The following FYN variants were observed in gnomAD, a reference collection of about 807,000 sequenced individuals.
FYN encodes the protein FYN proto-oncogene, Src family tyrosine kinase.
Under a neutral mutation model 70.2 loss-of-function variants are expected in FYN, and 10 were observed. That is an observed-to-expected ratio of 0.14 (90% CI 0.09 to 0.24). The LOEUF (loss-of-function observed/expected upper bound fraction) is 0.24, where lower values mean the gene tolerates loss of function less well. FYN is among the 10% of genes least tolerant of loss of function. The pLI is 1.00. For missense variants in FYN, 319 were observed against 673.1 expected, an observed-to-expected ratio of 0.47 and a Z score of 5.82; for synonymous variants, 236 against 248.6, an observed-to-expected ratio of 0.95 and a Z score of 0.48.
At chr6:111,747,361 G>A (rs1365579203) in intron 3 of FYN, among the ~76,000 whole-genome samples, 1 of 152,198 alleles carries the variant, frequency 6.6e-6, no homozygotes, top group Non-Finnish European at 1.5e-5. Flanking sequence ...GCAAGTCAAG[G>A]AAAGAAGGGA....
intron 13 of FYN, among the ~76,000 whole-genome samples, chr6:111,671,711 A>T (rs1005664526): frequency 2.0e-5 from 3 of 152,176 alleles, no homozygotes; most frequent in Non-Finnish European, 4.4e-5. Flanking sequence ...CTCAGCGCAC[A>T]CTGACTGACT....
chr6:111,830,358 A>C (rs1475771761), intron 2 of FYN, among the ~76,000 whole-genome samples: 2 of 152,228 alleles, frequency 1.3e-5, no homozygotes, highest in Non-Finnish European at 2.9e-5. Flanking sequence ...CAGCTCCCAC[A>C]GTGAATAAAT....
chr6:111,678,650 A>G (rs1287365176), intron 12 of FYN, among the ~76,000 whole-genome samples: 8 of 152,170 alleles, frequency 5.3e-5, no homozygotes. Context: ...GAAATTGGTT[A>G]TACAAGTCAG....
chr6:111,847,831 C>G (rs1773574628), intron 1 of FYN, among the ~76,000 whole-genome samples: 2 of 152,188 alleles, frequency 1.3e-5, no homozygotes, highest in African/African-American at 4.8e-5. Flanking sequence ...GCATTCAAAT[C>G]ATGAACTCAC....
Position 111,828,051 on chromosome 6 carries a change from AG to A in FYN, c.-82+18537del, listed in dbSNP as rs569280267. Among the ~76,000 whole-genome samples the A allele has an allele frequency of 5.9e-5, 9 of 152,314 alleles. No homozygotes were observed. The South Asian group carries it at 1.7e-3, about 28-fold the overall frequency. On this transcript the variant is annotated intron_variant, in intron 2 of 13. Transcript: ENST00000354650. ...TGACAGTGTTGTTCTAGAGTAGCGG[AG>A]GAACCCTGGTTACAGTTGACTGTGT...
intron 12 of FYN, among the ~76,000 whole-genome samples, chr6:111,675,818 T>A (rs1001890620): frequency 3.1e-4 from 46 of 149,092 alleles, no homozygotes; most frequent in African/African-American, 1.0e-3. Flanking sequence ...AAAATAAAAA[T>A]AAATAAATAA....
chr6:111,776,437 A>G (rs1424236638), intron 3 of FYN, among the ~76,000 whole-genome samples: 1 of 152,260 alleles, frequency 6.6e-6, no homozygotes, highest in Admixed American at 6.5e-5. Context: ...TCTTAAAAAC[A>G]GTAGACTGAT....
At chr6:111,780,217 T>A (rs1167115505) in intron 3 of FYN, among the ~76,000 whole-genome samples, 2 of 152,222 alleles carry the variant, frequency 1.3e-5, no homozygotes, top group Non-Finnish European at 2.9e-5. Context: ...CTCTCTGCTT[T>A]GGAGAATTTA....
At position 111,694,729 on chromosome 6, in the gene FYN, T is replaced by C; in HGVS notation, c.1043-25A>G. The C allele has an allele frequency of 6.4e-7, 1 of 1,573,702 alleles. No individual in the cohort carries two copies. Among genetic ancestry groups the C allele is most frequent in the Non-Finnish European group, 8.7e-7 (1 of 1,148,210 alleles). The stretch of plus-strand genomic sequence containing the variant: ...CCTATGAACAAAACATAAAATCATT[T>C]CAATTTACTTTGAAAGATAATTCCC... On this transcript the variant is annotated intron_variant, in intron 10 of 13. Coordinates refer to ENST00000354650, the MANE Select transcript of FYN (RefSeq NM_002037.5). The surrounding 1 kb of genome is among the most constrained non-coding windows in gnomAD (Gnocchi z 5.0).
At chr6:111,843,722 A>C (rs529827955) in intron 2 of FYN, among the ~76,000 whole-genome samples, 13 of 152,284 alleles carry the variant, frequency 8.5e-5, no homozygotes, top group African/African-American at 3.1e-4. Context: ...AGGGCCTACT[A>C]TGAGTTAGGC....
In FYN at chr6:111,838,317, C is replaced by T. The variant is rs545856541; in HGVS notation, c.-82+8272G>A. ...CTAAGCACCCTACCAACTTTCCCTT[C>T]CCATGGTACTGCTCCATCTCAGGGC... On this transcript the variant is annotated intron_variant, in intron 2 of 13. Transcript: ENST00000354650. Among the ~76,000 whole-genome samples, 3 of 152,344 alleles carry T rather than the reference C, an allele frequency of 2.0e-5. No homozygotes were observed. In the East Asian group the frequency reaches 5.8e-4, roughly 29 times the overall value.
Position 111,704,768 on chromosome 6 carries a change from C to CA in FYN, c.444-667dup, listed in dbSNP as rs574731232. Among the ~76,000 whole-genome samples, 103 of 149,946 alleles carry CA rather than the reference C, an allele frequency of 6.9e-4. No individual in the cohort carries two copies. The South Asian group carries it at 9.7e-3, about 14-fold the overall frequency. ...AGCCGTGTCTCAAAACAAAACAAAACAAAAAAAACAAACGCCAGGCATGGT... is the reference window on the plus strand; with the variant it reads ...AGCCGTGTCTCAAAACAAAACAAAACAAAAAAAAACAAACGCCAGGCATGGT... On this transcript the variant is annotated intron_variant, in intron 6 of 13. Coordinates refer to ENST00000354650, the MANE Select transcript of FYN (RefSeq NM_002037.5).
At position 111,738,369 on chromosome 6, in the gene FYN, C is replaced by A. The variant is rs543665278; in HGVS notation, c.-11-18307G>T. 1.1e-4 allele frequency among the ~76,000 whole-genome samples: 16 copies of A among 152,346 alleles called. 1 individual carries two copies. The highest frequency in any genetic ancestry group is 1.5e-5 in the Non-Finnish European group (1 of 68,032). On this transcript the variant is annotated intron_variant, in intron 3 of 13. Coordinates refer to ENST00000354650, the MANE Select transcript of FYN (RefSeq NM_002037.5). ...ACTGGTGATGTTACCTCCTCCCCTG[C>A]AGGGGTCTTGGACTGAAGGCTTACA...
chr6:111,869,770 A>G (rs550118961), intron 1 of FYN, among the ~76,000 whole-genome samples: 1 of 152,358 alleles, frequency 6.6e-6, no homozygotes, highest in East Asian at 1.9e-4. Flanking sequence ...AAGCCAAGAA[A>G]GGTGCTTTTG....
intron 2 of FYN, among the ~76,000 whole-genome samples, chr6:111,788,892 G>A (rs1161080647): frequency 6.6e-6 from 1 of 151,974 alleles, no homozygotes; most frequent in African/African-American, 2.4e-5. Flanking sequence ...AGGTGGGAGG[G>A]GTGCTCTGAG....
At chr6:111,749,026 G>C (rs1802369740) in intron 3 of FYN, among the ~76,000 whole-genome samples, 3 of 152,244 alleles carry the variant, frequency 2.0e-5, no homozygotes, top group Admixed American at 1.3e-4. Flanking sequence ...TAAAATGACT[G>C]AACAGAAACA....
chr6:111,751,810 GGTCTCACTAT>G (rs1430174936), intron 3 of FYN, among the ~76,000 whole-genome samples: 4 of 151,938 alleles, frequency 2.6e-5, no homozygotes, highest in Non-Finnish European at 5.9e-5. Context: ...GTAGAAACAA[GGTCTCACTAT>G]GTTGCCCAGG....
At chr6:111,746,774 A>G (rs761289150) in intron 3 of FYN, among the ~76,000 whole-genome samples, 5 of 152,078 alleles carry the variant, frequency 3.3e-5, no homozygotes, top group Non-Finnish European at 7.4e-5. Context: ...CAACAGCAAC[A>G]AGGGCTAAAA....
At chr6:111,700,047 T>C in intron 9 of FYN, 57 bp downstream of exon 9, 1 of 1,496,576 alleles carries the variant, frequency 6.7e-7, no homozygotes, top group Non-Finnish European at 9.2e-7. Context: ...CCATCTTTGG[T>C]GTTTGGGATC....
Sources: allele counts gnomAD v4.1 joint callset (sites outside exome capture counted in the v4.1 genomes callset), GRCh38; gene constraint gnomAD v4.1.1; non-coding constraint Gnocchi (gnomAD v3.1); transcripts MANE v1.5; gene names NCBI Gene and HGNC (gene_info 2026-07-23, HGNC 2026-07-21).